Variants in ROBO1 observed in about 807,000 individuals in gnomAD.
ROBO1 encodes the protein roundabout homolog 1.
ROBO1 carries 149 observed loss-of-function variants against 195.9 expected under a neutral mutation model. The observed-to-expected ratio is 0.76, with a 90% CI of 0.67 to 0.87. ROBO1 has a LOEUF of 0.87. Among genes scored for constraint, ROBO1 ranks in the 40% least tolerant of loss-of-function variants. The pLI is 0.00. For synonymous variants in ROBO1, 816 were observed against 733.2 expected (o/e 1.11, Z -1.82); for missense variants, 1,933 against 2,068.3 (o/e 0.93, Z 1.27).
chr3:79,657,573 C>A (rs1205958363), intron 1 of ROBO1, among the ~76,000 whole-genome samples: 1 of 151,936 alleles, frequency 6.6e-6, no homozygotes, highest in African/African-American at 2.4e-5. Context: ...ATGCAAATGA[C>A]TACAGATTAC....
chr3:79,323,879 C>T (rs938844222), intron 2 of ROBO1, among the ~76,000 whole-genome samples: 1 of 152,192 alleles, frequency 6.6e-6, no homozygotes. Context: ...TAGATGTATG[C>T]CCCCCGAGTA....
chr3:79,111,382 A>G (rs1376897916), intron 3 of ROBO1, among the ~76,000 whole-genome samples: 2 of 152,178 alleles, frequency 1.3e-5, no homozygotes, highest in Non-Finnish European at 1.5e-5. Context: ...GGATGGGTTC[A>G]GACAAAACTG....
chr3:78,699,192 A>G (rs1051111910), intron 8 of ROBO1, among the ~76,000 whole-genome samples: 6 of 151,890 alleles, frequency 4.0e-5, no homozygotes, highest in African/African-American at 1.5e-4. Flanking sequence ...AACAGCATTC[A>G]CCTACTATTT....
chr3:78,687,657 C>T (rs1188868993), intron 9 of ROBO1, among the ~76,000 whole-genome samples: 1 of 152,194 alleles, frequency 6.6e-6, no homozygotes, highest in African/African-American at 2.4e-5. Context: ...CAGGTTCTCA[C>T]TCTTTCACCC....
At chr3:79,116,274 CCTTT>C (rs950282853) in intron 3 of ROBO1, among the ~76,000 whole-genome samples, 7 of 151,778 alleles carry the variant, frequency 4.6e-5, no homozygotes, top group South Asian at 2.1e-4. Context: ...TTCCTTCCTT[CCTTT>C]CTTTTCTTTC....
intron 3 of ROBO1, among the ~76,000 whole-genome samples, chr3:79,060,721 T>A (rs1340685562): frequency 6.6e-6 from 1 of 151,962 alleles, no homozygotes; most frequent in East Asian, 1.9e-4. Context: ...ATGTAATCCA[T>A]CACATAAACA....
intron 4 of ROBO1, among the ~76,000 whole-genome samples, chr3:78,843,566 T>C (rs2033434817): frequency 6.6e-6 from 1 of 152,018 alleles, no homozygotes; most frequent in Non-Finnish European, 1.5e-5. Context: ...ATGAACCTGT[T>C]TGTCTCAGCT....
In ROBO1 at chr3:79,156,876, G is replaced by C. The variant is rs375414118; in HGVS notation, c.89-31337C>G. ...GTCTACAGATTCCTTTACTTTGTAA[G>C]CCTCTTATAATTGTGTTTTACTAAT... On this transcript the variant is annotated intron_variant, in intron 2 of 30. Coordinates refer to ENST00000464233, the MANE Select transcript of ROBO1 (RefSeq NM_002941.4). Among the ~76,000 whole-genome samples the C allele has an allele frequency of 1.3e-4, 20 of 151,878 alleles. No individual in the cohort carries two copies. The East Asian group carries it at 3.7e-3, about 28-fold the overall frequency.
intron 3 of ROBO1, among the ~76,000 whole-genome samples, chr3:79,012,033 G>C (rs1425571123): frequency 3.3e-5 from 5 of 152,134 alleles, no homozygotes; most frequent in African/African-American, 1.2e-4. Flanking sequence ...CTGTACACAT[G>C]AGTTGAATTT....
rs550836680 is a variant in ROBO1 at position 79,402,282 on chromosome 3, T to G, written c.88+187542A>C. 2.6e-5 allele frequency among the ~76,000 whole-genome samples: 4 copies of G among 152,108 alleles called. No homozygotes were observed. The South Asian group carries it at 8.3e-4, about 32-fold the overall frequency. ...CCCTAATCTTTTATCAACCTGCCTG[T>G]TGGTAAAAGACACTTATTATTACAG... On this transcript the variant is annotated intron_variant, in intron 2 of 30. Transcript: ENST00000464233.
intron 2 of ROBO1, among the ~76,000 whole-genome samples, chr3:79,215,479 A>C (rs1350059463): frequency 6.6e-6 from 1 of 152,076 alleles, no homozygotes; most frequent in African/African-American, 2.4e-5. Context: ...CAAACGATTT[A>C]TATGTAAATA....
At chr3:79,004,546 A>C (rs1038246447) in intron 3 of ROBO1, among the ~76,000 whole-genome samples, 2 of 152,170 alleles carry the variant, frequency 1.3e-5, no homozygotes, top group Non-Finnish European at 2.9e-5. Flanking sequence ...TAAGAAATAC[A>C]TCAAATCTAT....
chr3:78,714,961 T>C (rs1179531420), intron 7 of ROBO1: 1 of 152,892 alleles, frequency 6.5e-6, no homozygotes, highest in African/African-American at 2.4e-5. Flanking sequence ...GTAAAGGAAC[T>C]TGGCCTTGGT....
intron 2 of ROBO1, among the ~76,000 whole-genome samples, chr3:79,414,858 T>C (rs1191347886): frequency 6.6e-6 from 1 of 152,160 alleles, no homozygotes; most frequent in Non-Finnish European, 1.5e-5. Context: ...TCTAAAATTA[T>C]GAATTGGTTC....
At chr3:79,169,204 G>A (rs942088135) in intron 2 of ROBO1, among the ~76,000 whole-genome samples, 2 of 152,118 alleles carry the variant, frequency 1.3e-5, no homozygotes, top group Admixed American at 6.5e-5. Flanking sequence ...TTGGATTCAA[G>A]ATCTTGACAT....
intron 1 of ROBO1, among the ~76,000 whole-genome samples, chr3:79,664,847 G>T (rs9875725): frequency 0.23 from 35,512 of 151,720 alleles, 4,433 homozygotes; most frequent in African/African-American, 0.32. Flanking sequence ...CAGGTTTTCT[G>T]AAAAGTAAAG....
Position 79,758,729 on chromosome 3 carries a change from T to C in ROBO1, c.-51+9023A>G, listed in dbSNP as rs553588976. 3.3e-4 allele frequency among the ~76,000 whole-genome samples: 50 copies of C among 152,242 alleles called. No homozygotes were observed. The East Asian group carries it at 9.1e-3, about 28-fold the overall frequency. On this transcript the variant is annotated intron_variant, in intron 1 of 30. Coordinates refer to ENST00000464233, the MANE Select transcript of ROBO1 (RefSeq NM_002941.4). Reference sequence around the variant, plus strand: ...GAGGGAGGGTAAAGTGTACCTTGTATTGTAAGGCAGACTATACTTAGGAGA... The same window carrying C: ...GAGGGAGGGTAAAGTGTACCTTGTACTGTAAGGCAGACTATACTTAGGAGA...
chr3:78,781,826 G>A (rs2083686276), intron 4 of ROBO1, among the ~76,000 whole-genome samples: 1 of 152,016 alleles, frequency 6.6e-6, no homozygotes, highest in South Asian at 2.1e-4. Flanking sequence ...AATCACATAT[G>A]ATGTTTAAAA....
At chr3:79,653,969 C>T (rs9871736) in intron 1 of ROBO1, among the ~76,000 whole-genome samples, 4,484 of 151,934 alleles carry the variant, frequency 0.03, 105 homozygotes, top group Non-Finnish European at 0.043. Context: ...GTAAAAAATA[C>T]AAAGCCTCTC....
Sources: allele counts gnomAD v4.1 joint callset (sites outside exome capture counted in the v4.1 genomes callset), GRCh38; gene constraint gnomAD v4.1.1; transcripts MANE v1.5; gene names NCBI Gene and HGNC (gene_info 2026-07-23, HGNC 2026-07-21).